The following ACSL3 variants were observed in gnomAD, a reference collection of about 807,000 sequenced individuals.
ACSL3 encodes the protein fatty acid CoA ligase Acsl3.
Under a neutral mutation model 84.7 loss-of-function variants are expected in ACSL3, and 34 were observed. That is an observed-to-expected ratio of 0.40 (90% CI 0.31 to 0.53). The LOEUF (loss-of-function observed/expected upper bound fraction) is 0.53. Ranked by LOEUF, ACSL3 falls within the 20% of genes least tolerant of loss-of-function variation. ACSL3 has a pLI of 0.48. For synonymous variants in ACSL3, 315 were observed against 299.4 expected (o/e 1.05, Z -0.54); for missense variants, 680 against 873.1 (o/e 0.78, Z 2.79).
At chr2:222,923,858 G>A (rs1014316604) in intron 10 of ACSL3, among the ~76,000 whole-genome samples, 5 of 151,936 alleles carry the variant, frequency 3.3e-5, no homozygotes, top group Admixed American at 6.6e-5. Flanking sequence ...TAAAAATGAC[G>A]TACAATTTAA....
intron 1 of ACSL3, among the ~76,000 whole-genome samples, chr2:222,870,887 A>G (rs1011053950): frequency 1.3e-5 from 2 of 152,092 alleles, no homozygotes; most frequent in African/African-American, 4.8e-5. Flanking sequence ...TGAGGAGGGA[A>G]TTGAGATTCT....
intron 1 of ACSL3, among the ~76,000 whole-genome samples, chr2:222,883,167 G>GTTTTTTTTTTTTTT: frequency 7.4e-6 from 1 of 135,846 alleles, no homozygotes; most frequent in Non-Finnish European, 1.6e-5. Context: ...TTTGCTTTCT[G>GTTTTTTTTTTTTTT]TTTTTTTTTT....
intron 1 of ACSL3, among the ~76,000 whole-genome samples, chr2:222,869,138 T>C (rs1258511348): frequency 6.6e-6 from 1 of 152,192 alleles, no homozygotes; most frequent in Non-Finnish European, 1.5e-5. Flanking sequence ...ATTCAGATGG[T>C]GTTTCTAAGT....
At chr2:222,894,377 T>G (rs1695918333) in intron 2 of ACSL3, among the ~76,000 whole-genome samples, 1 of 152,248 alleles carries the variant, frequency 6.6e-6, no homozygotes, top group African/African-American at 2.4e-5. Context: ...AAATATAAGA[T>G]GTAAATAACT....
At chr2:222,900,977 G>C (rs1025380531) in intron 3 of ACSL3, among the ~76,000 whole-genome samples, 197 bp downstream of exon 3, 2 of 152,050 alleles carry the variant, frequency 1.3e-5, no homozygotes, top group Non-Finnish European at 2.9e-5. Context: ...ATTTTTTGTT[G>C]CTTGAACAAA....
At chr2:222,874,448 C>T (rs1459443822) in intron 1 of ACSL3, among the ~76,000 whole-genome samples, 7 of 152,068 alleles carry the variant, frequency 4.6e-5, no homozygotes, top group East Asian at 1.9e-4. Context: ...CCCAGGACTT[C>T]GGGAGGCTGA....
intron 3 of ACSL3, among the ~76,000 whole-genome samples, chr2:222,903,769 C>G (rs764428336): frequency 6.6e-5 from 10 of 152,190 alleles, no homozygotes; most frequent in Non-Finnish European, 1.5e-4. Flanking sequence ...GTCTTTTCTC[C>G]TGTTACTGTG....
intron 1 of ACSL3, among the ~76,000 whole-genome samples, chr2:222,869,967 A>G (rs1281727722): frequency 6.6e-6 from 1 of 152,222 alleles, no homozygotes; most frequent in South Asian, 2.1e-4. Context: ...ACTAGCAGCT[A>G]GCAAATGGAG....
In ACSL3 at chr2:222,919,085, C is replaced by A; in HGVS notation, c.688C>A (p.Arg230Ser). 6.2e-7 allele frequency: 1 copy of A among 1,613,992 alleles called. No individual in the cohort carries two copies. Among genetic ancestry groups the A allele is most frequent in the South Asian group, 1.1e-5 (1 of 91,072 alleles). ...CTAGGATATAGTTTCTTTGGTCCCA[C>A]GCCTGCGGCACATCATCACTGTTGA... is the stretch of plus-strand genomic sequence containing the variant. ...KLKDIVSLVPRLRHIITVDGK... is the reference protein window; with the variant it reads ...KLKDIVSLVPSLRHIITVDGK... Residue 230 changes from arginine (R) to serine (S), a missense_variant, in exon 7 of 17, where the codon CGC becomes AGC. Arg to Ser is a moderately radical substitution (Grantham distance 110). Around this residue, in one of 2 missense-constraint regions of ACSL3, gnomAD observed 333 missense variants for 347.5 expected, o/e 0.96. Coordinates refer to ENST00000357430, the MANE Select transcript of ACSL3 (RefSeq NM_004457.5).
At chr2:222,913,287 T>A (rs1696491747) in intron 4 of ACSL3, among the ~76,000 whole-genome samples, 1 of 152,212 alleles carries the variant, frequency 6.6e-6, no homozygotes, top group Admixed American at 6.5e-5. Context: ...GTCTTTTGTG[T>A]TATTTCTTAG....
At chr2:222,912,368 A>G (rs1409749065) in intron 4 of ACSL3, among the ~76,000 whole-genome samples, 2 of 152,182 alleles carry the variant, frequency 1.3e-5, no homozygotes. Flanking sequence ...CAGTAGCAGC[A>G]TCTGCCTAGG....
At position 222,863,242 on chromosome 2, in the gene ACSL3, G is replaced by A. The variant is rs866061172; in HGVS notation, c.-207+1984G>A. ...AGTATTGTGTGAATGAGGATTATGA[G>A]CAAGATTGTGATGTAGATGGAAATC... On this transcript the variant is annotated intron_variant, in intron 1 of 16. Coordinates refer to ENST00000357430, the MANE Select transcript of ACSL3 (RefSeq NM_004457.5). Among the ~76,000 whole-genome samples, 46 of 152,330 alleles carry A rather than the reference G, an allele frequency of 3.0e-4. 1 individual carries two copies. The highest frequency in any genetic ancestry group is 6.8e-3 in the Middle Eastern group (2 of 294).
At position 222,881,091 on chromosome 2, in the gene ACSL3, A is replaced by G. The variant is rs557260907; in HGVS notation, c.-206-6739A>G. Among the ~76,000 whole-genome samples the G allele has an allele frequency of 1.6e-4, 25 of 152,350 alleles. No homozygotes were observed. The East Asian group carries it at 4.8e-3, about 29-fold the overall frequency. On this transcript the variant is annotated intron_variant, in intron 1 of 16. Transcript: ENST00000357430. ...TGAGAGCCGTAAATGTAAGCCATAT[A>G]TGTAGTTTTACATTTCTAGTAGGCA...
chr2:222,865,587 ATATATTACAGGATGG>A (rs1417097423), intron 1 of ACSL3, among the ~76,000 whole-genome samples: 2 of 152,352 alleles, frequency 1.3e-5, no homozygotes, highest in African/African-American at 4.8e-5. Context: ...ATATGAGCAA[ATATATTACAGGATGG>A]TATAATCAGT....
chr2:222,925,364 A>AG (rs1696851335), intron 11 of ACSL3, among the ~76,000 whole-genome samples: 1 of 141,626 alleles, frequency 7.1e-6, no homozygotes, highest in Non-Finnish European at 1.5e-5. Flanking sequence ...AAAAAAAAAA[A>AG]TCCATCTTGA....
At chr2:222,895,632 C>T (rs1157207986) in intron 2 of ACSL3, among the ~76,000 whole-genome samples, 2 of 21,700 alleles carry the variant, frequency 9.2e-5, no homozygotes, top group Non-Finnish European at 1.3e-4. Context: ...TGCGGCCTTC[C>T]GCAGTGTTTG....
At chr2:222,925,645 TA>T (rs1403024562) in intron 11 of ACSL3, among the ~76,000 whole-genome samples, 1 of 152,206 alleles carries the variant, frequency 6.6e-6, no homozygotes, top group Non-Finnish European at 1.5e-5. Context: ...ATGAGCAGTT[TA>T]AAAAACCTGC....
intron 13 of ACSL3, among the ~76,000 whole-genome samples, chr2:222,929,792 TAAAG>T (rs144894884): frequency 0.074 from 11,223 of 151,736 alleles, 504 homozygotes; most frequent in Middle Eastern, 0.13. Context: ...AATAAATAAA[TAAAG>T]AAAGATTCTA....
intron 8 of ACSL3, among the ~76,000 whole-genome samples, chr2:222,922,106 A>G (rs960804646): frequency 2.0e-5 from 3 of 152,208 alleles, no homozygotes; most frequent in Non-Finnish European, 4.4e-5. Flanking sequence ...CAATTTTCTT[A>G]CAGGTTTGCC....
Sources: allele counts gnomAD v4.1 joint callset (sites outside exome capture counted in the v4.1 genomes callset), GRCh38; gene constraint gnomAD v4.1.1; regional missense constraint gnomAD v4.1.1; transcripts MANE v1.5; gene names NCBI Gene and HGNC (gene_info 2026-07-23, HGNC 2026-07-21).